The following BRIP1 variants were observed in gnomAD, a reference collection of about 807,000 sequenced individuals.
BRIP1 encodes Fanconi anemia group J protein.
BRIP1 carries 88 observed loss-of-function variants against 119.7 expected under a neutral mutation model. The observed-to-expected ratio is 0.74, with a 90% CI of 0.62 to 0.88. BRIP1 has a LOEUF of 0.88. Among genes scored for constraint, BRIP1 ranks in the 40% least tolerant of loss-of-function variants. BRIP1 has a pLI of 0.00. For synonymous variants in BRIP1, 443 were observed against 496.5 expected (o/e 0.89, Z 1.43); for missense variants, 1,259 against 1,455.4 (o/e 0.87, Z 2.20).
chr17:61,839,146 T>A (rs891626313), intron 6 of BRIP1, among the ~76,000 whole-genome samples: 93 of 152,170 alleles, frequency 6.1e-4, no homozygotes, highest in African/African-American at 2.1e-3. Flanking sequence ...CCCATTATTT[T>A]TTCTTATATT....
rs2078894623 is a variant in BRIP1, at chr17:61,856,240, C to A, written c.379+818G>T. Reference sequence around the variant, plus strand: ...TCATCTACCCTCCTCTATATAGTCACATGCTTTAGAGGAAGCTGACTCCAT... The same window carrying A: ...TCATCTACCCTCCTCTATATAGTCAAATGCTTTAGAGGAAGCTGACTCCAT... On this transcript the variant is annotated intron_variant, in intron 4 of 19. Transcript: ENST00000259008. This position sits in a 1 kb window ranked among gnomAD's most constrained non-coding sequence, Gnocchi z 5.1. Among the ~76,000 whole-genome samples, 1 of 152,202 alleles carries A rather than the reference C, an allele frequency of 6.6e-6. No individual in the cohort carries two copies. Among genetic ancestry groups the A allele is most frequent in the African/African-American group, 2.4e-5 (1 of 41,460 alleles).
chr17:61,831,797 A>C lies in BRIP1; in HGVS notation c.627+15304T>G, dbSNP rs1196182358. On this transcript the variant is annotated intron_variant, in intron 6 of 19. Coordinates refer to ENST00000259008, the MANE Select transcript of BRIP1 (RefSeq NM_032043.3). This position sits in a 1 kb window ranked among gnomAD's most constrained non-coding sequence, Gnocchi z 4.1. ...TGGTAATTCTGTTTTTAACTTTCAG[A>C]GGAATCAGGAACAAGGTTTTTCAGT... 6.6e-6 allele frequency among the ~76,000 whole-genome samples: 1 copy of C among 152,172 alleles called. No individual in the cohort carries two copies. The highest frequency in any genetic ancestry group is 1.5e-5 in the Non-Finnish European group (1 of 68,036).
chr17:61,766,759 T>C (rs185262818), intron 14 of BRIP1, among the ~76,000 whole-genome samples: 18 of 152,276 alleles, frequency 1.2e-4, no homozygotes, highest in Non-Finnish European at 2.4e-4. Flanking sequence ...ATATTACTCA[T>C]AAAGATGTAT....
rs2076947002 is a variant in BRIP1 at position 61,738,467 on chromosome 17, A to G, written c.2379+4546T>C. ...AACCACCTTCCTCCCCTCTACCCAG[A>G]ACCCATTGATGCTTCTGTTATTTTG... On this transcript the variant is annotated intron_variant, in intron 16 of 19. Transcript: ENST00000259008. The surrounding 1 kb of genome is among the most constrained non-coding windows in gnomAD (Gnocchi z 4.2). Among the ~76,000 whole-genome samples, 2 of 152,156 alleles carry G rather than the reference A, an allele frequency of 1.3e-5. No homozygotes were observed. The highest frequency in any genetic ancestry group is 1.3e-4 in the Admixed American group (2 of 15,250).
In BRIP1 at chr17:61,722,756, A is replaced by G. The variant is rs941829981; in HGVS notation, c.2380-6693T>C. 6.6e-6 allele frequency among the ~76,000 whole-genome samples: 1 copy of G among 152,226 alleles called. No individual in the cohort carries two copies. The highest frequency in any genetic ancestry group is 2.4e-5 in the African/African-American group (1 of 41,476). Reference sequence around the variant, plus strand: ...TGTAGCAACTATTAGATTAAATAAAATTATGACTCCTTGGTCTTCTATTTT... The same window carrying G: ...TGTAGCAACTATTAGATTAAATAAAGTTATGACTCCTTGGTCTTCTATTTT... On this transcript the variant is annotated intron_variant, in intron 16 of 19. Transcript: ENST00000259008. The surrounding 1 kb of genome is among the most constrained non-coding windows in gnomAD (Gnocchi z 4.6).
rs940435645 is a variant in BRIP1, at chr17:61,862,722, G to GA, written c.-31+561dup. Among the ~76,000 whole-genome samples the GA allele has an allele frequency of 1.3e-5, 2 of 152,120 alleles. No homozygotes were observed. Among genetic ancestry groups the GA allele is most frequent in the Admixed American group, 6.5e-5 (1 of 15,272 alleles). On this transcript the variant is annotated intron_variant, in intron 1 of 19. Transcript: ENST00000259008. The surrounding 1 kb of genome is among the most constrained non-coding windows in gnomAD (Gnocchi z 5.3). ...AATAAGGAATTATTTGCAGTCGTGG[G>GA]AAAAAATTGTAAATTCAACCTGGGG...
chr17:61,696,183 G>C (rs1205545320), intron 17 of BRIP1, among the ~76,000 whole-genome samples: 1 of 141,038 alleles, frequency 7.1e-6, no homozygotes, highest in East Asian at 2.1e-4. Flanking sequence ...AAAATGTGTT[G>C]AATACTGTTT....
Position 61,710,657 on chromosome 17 carries a change from C to T in BRIP1, c.2492+5294G>A, listed in dbSNP as rs897284106. Reference sequence around the variant, plus strand: ...TACTTATGTTTAATAGTGAAAAATTCGGTGGCTAGAGGTAGAGGATAAGGA... The same window carrying T: ...TACTTATGTTTAATAGTGAAAAATTTGGTGGCTAGAGGTAGAGGATAAGGA... On this transcript the variant is annotated intron_variant, in intron 17 of 19. Transcript: ENST00000259008. The surrounding 1 kb of genome is among the most constrained non-coding windows in gnomAD (Gnocchi z 5.4). Among the ~76,000 whole-genome samples, 12 of 151,986 alleles carry T rather than the reference C, an allele frequency of 7.9e-5. No individual in the cohort carries two copies. The highest frequency in any genetic ancestry group is 1.7e-4 in the African/African-American group (7 of 41,372).
At chr17:61,791,325 C>T (rs576135849) in intron 10 of BRIP1, among the ~76,000 whole-genome samples, 1 of 151,430 alleles carries the variant, frequency 6.6e-6, no homozygotes, top group East Asian at 1.9e-4. Context: ...CCTGTCTCTA[C>T]CAAAAATACA....
Position 61,824,842 on chromosome 17 carries a change from T to C in BRIP1, c.628-16085A>G, listed in dbSNP as rs2078380607. 6.6e-6 allele frequency among the ~76,000 whole-genome samples: 1 copy of C among 152,200 alleles called. No homozygotes were observed. Among genetic ancestry groups the C allele is most frequent in the Admixed American group, 6.5e-5 (1 of 15,282 alleles). On this transcript the variant is annotated intron_variant, in intron 6 of 19. Coordinates refer to ENST00000259008, the MANE Select transcript of BRIP1 (RefSeq NM_032043.3). This position sits in a 1 kb window ranked among gnomAD's most constrained non-coding sequence, Gnocchi z 4.3. The stretch of plus-strand genomic sequence containing the variant: ...AATGGGAGAAAATATTTACAAATCA[T>C]GTATCCAATAAGGTATTAATATCTG...
At position 61,799,901 on chromosome 17, in the gene BRIP1, A is replaced by C. The variant is rs961497991; in HGVS notation, c.1141-602T>G. Reference sequence around the variant, plus strand: ...TGCTGGCAGGACTATTAACCTGTGAATCAAAGGACATCACCACTTTCACAA... The same window carrying C: ...TGCTGGCAGGACTATTAACCTGTGACTCAAAGGACATCACCACTTTCACAA... On this transcript the variant is annotated intron_variant, in intron 8 of 19. Coordinates refer to ENST00000259008, the MANE Select transcript of BRIP1 (RefSeq NM_032043.3). This position sits in a 1 kb window ranked among gnomAD's most constrained non-coding sequence, Gnocchi z 5.1. Among the ~76,000 whole-genome samples, 10 of 152,036 alleles carry C rather than the reference A, an allele frequency of 6.6e-5. No individual in the cohort carries two copies. Among genetic ancestry groups the C allele is most frequent in the African/African-American group, 2.4e-4 (10 of 41,410 alleles).
chr17:61,831,842 A>G lies in BRIP1; in HGVS notation c.627+15259T>C, dbSNP rs567177043. ...TTCAGTTAAACATACAGAAAGGAAG[A>G]AAATTAGAATGGGCCCTCTGGTACT... On this transcript the variant is annotated intron_variant, in intron 6 of 19. Transcript: ENST00000259008. This position sits in a 1 kb window ranked among gnomAD's most constrained non-coding sequence, Gnocchi z 4.1. Among the ~76,000 whole-genome samples the G allele has an allele frequency of 1.3e-5, 2 of 152,214 alleles. No individual in the cohort carries two copies. The highest frequency in any genetic ancestry group is 2.9e-5 in the Non-Finnish European group (2 of 68,034).
At chr17:61,854,222 G>T (rs190266531) in intron 4 of BRIP1, among the ~76,000 whole-genome samples, 4 of 152,164 alleles carry the variant, frequency 2.6e-5, no homozygotes, top group African/African-American at 7.2e-5. Flanking sequence ...TGAGCCAAGT[G>T]AGCCAAGATC....
rs1555609121 is a variant in BRIP1 at position 61,808,467 on chromosome 17, GT to G, written c.917del (p.Asn306ThrfsTer32). On this transcript the variant is annotated frameshift_variant and splice_region_variant, in exon 7 of 20. Coordinates refer to ENST00000259008, the MANE Select transcript of BRIP1 (RefSeq NM_032043.3). LOFTEE classifies it high-confidence loss of function. This position sits in a 1 kb window ranked among gnomAD's most constrained non-coding sequence, Gnocchi z 4.1. Reference protein sequence around the residue: ...EKCMELLDGKNGKSCYFYHGV... With the variant: ...EKCMELLDGKXGKSCYFYHGV... ...TCTAACACAAAATAACTTTACTCAC[GT>G]TTTTCCCATCTAGCAATTCCATGCA... 1 of 1,611,342 alleles carries G rather than the reference GT, an allele frequency of 6.2e-7. No homozygotes were observed. Among genetic ancestry groups the G allele is most frequent in the Non-Finnish European group, 8.5e-7 (1 of 1,177,622 alleles).
chr17:61,861,527 A>C lies in BRIP1; in HGVS notation c.13T>G (p.Trp5Gly), dbSNP rs2078973498. The C allele has an allele frequency of 6.2e-7, 1 of 1,610,596 alleles. No individual in the cohort carries two copies. The highest frequency in any genetic ancestry group is 8.5e-7 in the Non-Finnish European group (1 of 1,176,920). ...ACCCCACCAATTGTATATTCAGACCACATTGAAGACATAGTGCTTTCCTGT... is the reference window on the plus strand; with the variant it reads ...ACCCCACCAATTGTATATTCAGACCCCATTGAAGACATAGTGCTTTCCTGT... MSSM[W>G]SEYTIGGVKI... is the part of the protein sequence containing the mutation. Residue 5 changes from tryptophan (W) to glycine (G), a missense_variant, in exon 2 of 20, where the codon TGG becomes GGG. Trp to Gly is a radical substitution (Grantham distance 184, BLOSUM62 -2). This residue lies in a region of BRIP1 where 501 missense variants were observed against 544.0 expected (regional missense o/e 0.92). Coordinates refer to ENST00000259008, the MANE Select transcript of BRIP1 (RefSeq NM_032043.3). The surrounding 1 kb of genome is among the most constrained non-coding windows in gnomAD (Gnocchi z 4.5).
rs2078138481 is a variant in BRIP1 at position 61,810,059 on chromosome 17, TG to T, written c.628-1303del. Reference sequence around the variant, plus strand: ...TCACTCACTGGGATAAAAGGTTCACTGATGTGCCAAATAAACAGTCAGTCAA... The same window carrying T: ...TCACTCACTGGGATAAAAGGTTCACTATGTGCCAAATAAACAGTCAGTCAA... On this transcript the variant is annotated intron_variant, in intron 6 of 19. Coordinates refer to ENST00000259008, the MANE Select transcript of BRIP1 (RefSeq NM_032043.3). The surrounding 1 kb of genome is among the most constrained non-coding windows in gnomAD (Gnocchi z 4.7). Among the ~76,000 whole-genome samples, 1 of 152,208 alleles carries T rather than the reference TG, an allele frequency of 6.6e-6. No homozygotes were observed. Among genetic ancestry groups the T allele is most frequent in the Non-Finnish European group, 1.5e-5 (1 of 68,030 alleles).
At chr17:61,833,398 A>G (rs1299855109) in intron 6 of BRIP1, among the ~76,000 whole-genome samples, 3 of 152,158 alleles carry the variant, frequency 2.0e-5, no homozygotes, top group Non-Finnish European at 4.4e-5. Context: ...GGCCAGGCAC[A>G]GTGGTTCACT....
At position 61,806,817 on chromosome 17, in the gene BRIP1, C is replaced by T. The variant is rs1239358062; in HGVS notation, c.918+1650G>A. Among the ~76,000 whole-genome samples the T allele has an allele frequency of 1.3e-5, 2 of 152,184 alleles. No homozygotes were observed. ...GGTTCAAGCGATTCTCATGCCTCAG[C>T]CTCCCAAGTAGCTGGGATTACAAGC... On this transcript the variant is annotated intron_variant, in intron 7 of 19. Transcript: ENST00000259008. This position sits in a 1 kb window ranked among gnomAD's most constrained non-coding sequence, Gnocchi z 4.9.
At chr17:61,765,378 AT>A (rs1461765885) in intron 14 of BRIP1, among the ~76,000 whole-genome samples, 4,278 of 36,064 alleles carry the variant, frequency 0.12, 442 homozygotes, top group African/African-American at 0.17. Context: ...GTGTGTATAT[AT>A]TATATATATA....
Sources: gnomAD v4.1 joint callset for allele counts (sites outside exome capture counted in the v4.1 genomes callset) on GRCh38, gnomAD v4.1.1 for gene constraint, gnomAD v4.1.1 regional missense constraint, Gnocchi (gnomAD v3.1) non-coding constraint, MANE v1.5 for transcripts, NCBI Gene and HGNC (gene_info 2026-07-23, HGNC 2026-07-21) for gene names.